EVI5: variants seen among roughly 807,000 people sequenced by gnomAD.
EVI5 encodes the protein ecotropic viral integration site 5 protein homolog.
A neutral mutation model predicts 112.0 loss-of-function variants in EVI5; 73 were observed. That is an observed-to-expected ratio of 0.65 (90% CI 0.54 to 0.79). The LOEUF is 0.79. Ranked by LOEUF, EVI5 falls within the 30% of genes least tolerant of loss-of-function variation. The probability of loss-of-function intolerance (pLI) is 0.00; values close to 1 mark genes in which losing one functional copy is unlikely to be tolerated. For synonymous variants in EVI5, 305 were observed against 319.9 expected (o/e 0.95, Z 0.50); for missense variants, 900 against 968.8 (o/e 0.93, Z 0.94).
rs147618096 is a variant in EVI5, at chr1:92,512,319, A to G, written c.*1337T>C. On this transcript the variant is annotated 3_prime_UTR_variant, in exon 20 of 20. Transcript: ENST00000684568. The stretch of plus-strand genomic sequence containing the variant: ...CTTAAATTATATTCAGTAGAATATT[A>G]GCACTAACTAATATGTGCTATAACC... 6.5e-6 allele frequency: 1 copy of G among 152,762 alleles called. No homozygotes were observed. The highest frequency in any genetic ancestry group is 2.4e-5 in the African/African-American group (1 of 41,590). 9.5% of individuals were successfully genotyped at this position (152,762 alleles called of 1,614,324 possible). A position where few individuals can be genotyped will look rare whatever the true frequency, so the allele number is the denominator to read the frequency against.
chr1:92,648,084 C>T (rs1224632615), intron 13 of EVI5, among the ~76,000 whole-genome samples: 10 of 141,852 alleles, frequency 7.0e-5, no homozygotes, highest in East Asian at 4.4e-4. Flanking sequence ...CGGTGGCTCA[C>T]GCCTGTAATC....
At position 92,704,729 on chromosome 1, in the gene EVI5, A is replaced by G; in HGVS notation, c.165T>C (p.Asp55=). ...LEEQNRLLET[D]SKSLRSVNGS... The stretch of plus-strand genomic sequence containing the variant: ...CATTTACAGATCTTAAAGACTTACT[A>G]TCCGTTTCTAACAATCTAAAATATA... The change falls in exon 3 of 20, where the codon GAT becomes GAC. Residue 55 remains aspartate, a synonymous_variant. Coordinates refer to ENST00000684568, the MANE Select transcript of EVI5 (RefSeq NM_001350197.2). 2.6e-6 allele frequency: 4 copies of G among 1,549,496 alleles called. No individual in the cohort carries two copies. Among genetic ancestry groups the G allele is most frequent in the Non-Finnish European group, 3.5e-6 (4 of 1,141,034 alleles).
At position 92,513,936 on chromosome 1, in the gene EVI5, C is replaced by T; in HGVS notation, c.2201G>A (p.Gly734Asp). The T allele has an allele frequency of 1.9e-6, 3 of 1,583,390 alleles. No homozygotes were observed. Among genetic ancestry groups the T allele is most frequent in the South Asian group, 1.2e-5 (1 of 86,432 alleles). ...GTGGATTCCATCAAAAGGAGGTTGG[C>T]CTGAGAAGCCCCTCTGGCCTTTTAG... ...RCLKGQRGFS[G>D]QPPFDGIHIV... is the part of the protein sequence containing the mutation. The change falls in exon 20 of 20, where the codon GGC (glycine) becomes GAC (aspartate). Residue 734 changes from glycine to aspartate, a missense_variant. By Grantham distance (94) the Gly-to-Asp change is moderately conservative (BLOSUM62 -1). Coordinates refer to ENST00000684568, the MANE Select transcript of EVI5 (RefSeq NM_001350197.2).
chr1:92,759,264 T>C (rs1357806076), intron 1 of EVI5, among the ~76,000 whole-genome samples: 1 of 152,190 alleles, frequency 6.6e-6, no homozygotes, highest in African/African-American at 2.4e-5. Flanking sequence ...GTTTTCATTA[T>C]AAGTGATCCA....
rs202101807 is a variant in EVI5 at position 92,677,228 on chromosome 1, GA to G, written c.1098-11del. ...GTATTCCTTTTCAAGCCTAAGAAAG[GA>G]AAAAAAAAGAGTTAAAGGTAATGTT... On this transcript the variant is annotated splice_polypyrimidine_tract_variant and intron_variant, in intron 9 of 19. Coordinates refer to ENST00000684568, the MANE Select transcript of EVI5 (RefSeq NM_001350197.2). The G allele has an allele frequency of 1.8e-4, 256 of 1,403,882 alleles. No homozygotes were observed. Among genetic ancestry groups the G allele is most frequent in the Admixed American group, 3.5e-4 (16 of 45,240 alleles). 87.0% of individuals were successfully genotyped at this position (1,403,882 alleles called of 1,614,324 possible).
chr1:92,667,157 T>C (rs529002046), intron 10 of EVI5, among the ~76,000 whole-genome samples: 10 of 152,244 alleles, frequency 6.6e-5, no homozygotes, highest in African/African-American at 2.2e-4. Context: ...TAGTGGCATG[T>C]GCCTGTAGTC....
chr1:92,516,910 TATGGGTATTATCAGTAGCAAACTG>T (rs1659993483), intron 19 of EVI5, among the ~76,000 whole-genome samples: 1 of 151,768 alleles, frequency 6.6e-6, no homozygotes, highest in Non-Finnish European at 1.5e-5. Flanking sequence ...AAAAAATCCT[TATGGGTATTATCAGTAGCAAACTG>T]AGATTAGCAT....
At position 92,693,908 on chromosome 1, in the gene EVI5, C is replaced by T. The variant is rs201657577; in HGVS notation, c.1000-9G>A. On this transcript the variant is annotated splice_polypyrimidine_tract_variant and intron_variant, in intron 8 of 19. Transcript: ENST00000684568. ...ATGACCTTTTGAAAGTGCTAAGATACAATTAAAAAAAAAACATAAGAATGA... is the reference window on the plus strand; with the variant it reads ...ATGACCTTTTGAAAGTGCTAAGATATAATTAAAAAAAAAACATAAGAATGA... 3.0e-5 allele frequency: 44 copies of T among 1,456,104 alleles called. No homozygotes were observed. Among genetic ancestry groups the T allele is most frequent in the Non-Finnish European group, 3.9e-5 (41 of 1,053,888 alleles). 90.2% of individuals were successfully genotyped at this position (1,456,104 alleles called of 1,614,324 possible). A position where few individuals can be genotyped will look rare whatever the true frequency, so the allele number is the denominator to read the frequency against.
intron 12 of EVI5, 44 bp downstream of exon 12, chr1:92,663,376 T>C (rs1664347033): frequency 1.0e-6 from 1 of 988,076 alleles, no homozygotes; most frequent in African/African-American, 1.7e-5. Context: ...CCTTAGAAGT[T>C]AGAGAAGATG....
intron 1 of EVI5, among the ~76,000 whole-genome samples, chr1:92,753,195 A>G (rs1384968569): frequency 2.0e-5 from 3 of 152,028 alleles, no homozygotes; most frequent in Non-Finnish European, 2.9e-5. Flanking sequence ...TTGATGGGTT[A>G]AAAACCACTC....
chr1:92,615,551 C>T (rs1652929751), intron 16 of EVI5, among the ~76,000 whole-genome samples: 1 of 152,120 alleles, frequency 6.6e-6, no homozygotes, highest in African/African-American at 2.4e-5. Context: ...GGTTTGTAAA[C>T]TCTGATGAAC....
intron 4 of EVI5, 89 bp downstream of exon 4, chr1:92,703,306 G>C (rs1234025613): frequency 3.9e-6 from 3 of 766,048 alleles, no homozygotes; most frequent in African/African-American, 3.6e-5. Context: ...GATTATTGTG[G>C]TGGGAGGTCA....
At chr1:92,614,840 TTATATATATATATATATATATATATA>T (rs561640520) in intron 16 of EVI5, among the ~76,000 whole-genome samples, 16 of 12,612 alleles carry the variant, frequency 1.3e-3, no homozygotes, top group South Asian at 6.3e-3. Flanking sequence ...ATGTTATATT[TTATATATATATATATATATATATATA>T]TATATATATA....
chr1:92,627,418 G>A (rs1006756356), intron 14 of EVI5, among the ~76,000 whole-genome samples: 6 of 152,166 alleles, frequency 3.9e-5, no homozygotes, highest in African/African-American at 9.7e-5. Flanking sequence ...TCCACTTGTT[G>A]ATTGATGGGC....
At chr1:92,785,119 C>G (rs1006044474), upstream of EVI5, 40 of 985,182 alleles carry the variant, frequency 4.1e-5, no homozygotes, top group Non-Finnish European at 4.8e-5. Flanking sequence ...AAGGCGCAGG[C>G]GCGGGAGGGC....
At chr1:92,642,650 T>G (rs1351124009) in intron 13 of EVI5, among the ~76,000 whole-genome samples, 1 of 152,248 alleles carries the variant, frequency 6.6e-6, no homozygotes, top group Non-Finnish European at 1.5e-5. Context: ...TTTAATTTTA[T>G]TAACATTTAT....
At chr1:92,571,574 A>C (rs1670330957) in intron 18 of EVI5, among the ~76,000 whole-genome samples, 2 of 152,170 alleles carry the variant, frequency 1.3e-5, no homozygotes, top group Non-Finnish European at 1.5e-5. Flanking sequence ...TCCTCTTTAA[A>C]AGTTAAAACA....
chr1:92,574,687 G>A (rs937042709), intron 18 of EVI5, among the ~76,000 whole-genome samples: 1 of 152,114 alleles, frequency 6.6e-6, no homozygotes, highest in Non-Finnish European at 1.5e-5. Flanking sequence ...AAGTTGTAAA[G>A]GGTATCCTTA....
At chr1:92,615,293 T>C (rs917059942) in intron 16 of EVI5, among the ~76,000 whole-genome samples, 2 of 152,196 alleles carry the variant, frequency 1.3e-5, no homozygotes, top group Non-Finnish European at 2.9e-5. Flanking sequence ...AAGAAAATGA[T>C]GAATTCAGGG....
Sources: gnomAD v4.1 joint callset for allele counts (sites outside exome capture counted in the v4.1 genomes callset) on GRCh38, gnomAD v4.1.1 for gene constraint, MANE v1.5 for transcripts, NCBI Gene and HGNC (gene_info 2026-07-23, HGNC 2026-07-21) for gene names.